Variants in LHFPL6 observed in about 807,000 individuals in gnomAD.
The protein encoded by LHFPL6 is LHFPL tetraspan subfamily member 6 protein.
LHFPL6 carries 9 observed loss-of-function variants against 20.6 expected under a neutral mutation model. That is an observed-to-expected ratio of 0.44 (90% CI 0.26 to 0.76). The LOEUF (loss-of-function observed/expected upper bound fraction) is 0.76, where lower values mean the gene tolerates loss of function less well. LHFPL6 is among the 30% of genes least tolerant of loss of function. LHFPL6 has a pLI of 0.20. For missense variants in LHFPL6, 218 were observed against 253.5 expected (o/e 0.86, Z 0.95); for synonymous variants, 105 against 98.7 (o/e 1.06, Z -0.38).
chr13:39,429,061 G>C (rs1336258376), intron 2 of LHFPL6, among the ~76,000 whole-genome samples: 1 of 152,006 alleles, frequency 6.6e-6, no homozygotes, highest in Non-Finnish European at 1.5e-5. Context: ...ACTGAGACTT[G>C]TTTTATCATA....
At chr13:39,499,511 C>T (rs1869219687) in intron 2 of LHFPL6, among the ~76,000 whole-genome samples, 1 of 152,220 alleles carries the variant, frequency 6.6e-6, no homozygotes, top group African/African-American at 2.4e-5. Flanking sequence ...TAAAACAGAA[C>T]CAGCCCATGC....
rs550328020 is a variant in LHFPL6, at chr13:39,438,563, G to A, written c.386-60037C>T. Among the ~76,000 whole-genome samples, 4 of 152,376 alleles carry A rather than the reference G, an allele frequency of 2.6e-5. No homozygotes were observed. In the East Asian group the frequency reaches 7.7e-4, roughly 29 times the overall value. On this transcript the variant is annotated intron_variant, in intron 2 of 3. Coordinates refer to ENST00000379589, the MANE Select transcript of LHFPL6 (RefSeq NM_005780.3). ...AAGACAATGAGATAAAGGCCTTGAA[G>A]GCATTTCAGAGACCTTCAAGGAAGC...
intron 2 of LHFPL6, among the ~76,000 whole-genome samples, chr13:39,423,011 A>G (rs990864933): frequency 1.3e-5 from 2 of 152,328 alleles, no homozygotes; most frequent in African/African-American, 4.8e-5. Context: ...TCACGAGAAC[A>G]GCATGAGGGT....
chr13:39,412,115 C>T (rs1871251469), intron 2 of LHFPL6, among the ~76,000 whole-genome samples: 1 of 152,188 alleles, frequency 6.6e-6, no homozygotes, highest in Non-Finnish European at 1.5e-5. Flanking sequence ...AAACTTTTAC[C>T]GTGTTTCAAC....
intron 2 of LHFPL6, among the ~76,000 whole-genome samples, chr13:39,519,243 T>TAA (rs386378887): frequency 1.9e-5 from 2 of 103,884 alleles, no homozygotes; most frequent in African/African-American, 7.3e-5. Context: ...TCTCAAAAAA[T>TAA]AAAAATAAAA....
intron 2 of LHFPL6, among the ~76,000 whole-genome samples, chr13:39,390,783 T>G (rs547214977): frequency 2.0e-5 from 3 of 152,046 alleles, no homozygotes; most frequent in Non-Finnish European, 4.4e-5. Flanking sequence ...TTGCTTGAGG[T>G]CAGGAGTTCG....
intron 2 of LHFPL6, among the ~76,000 whole-genome samples, chr13:39,493,305 C>CT (rs1868991187): frequency 1.2e-5 from 1 of 80,218 alleles, no homozygotes; most frequent in Non-Finnish European, 2.5e-5. Context: ...TCCATCTCTA[C>CT]TAAAAAAAAA....
intron 2 of LHFPL6, among the ~76,000 whole-genome samples, chr13:39,585,083 A>G (rs950685915): frequency 6.6e-6 from 1 of 152,082 alleles, no homozygotes; most frequent in Non-Finnish European, 1.5e-5. Context: ...ACCCCAATAC[A>G]CCCATATGGA....
At chr13:39,414,502 A>G (rs903714638) in intron 2 of LHFPL6, among the ~76,000 whole-genome samples, 3 of 152,176 alleles carry the variant, frequency 2.0e-5, no homozygotes, top group African/African-American at 7.2e-5. Context: ...GGGAGTCTTC[A>G]TGGTGGATTT....
At chr13:39,576,279 A>G (rs2138535206) in intron 2 of LHFPL6, among the ~76,000 whole-genome samples, 1 of 152,348 alleles carries the variant, frequency 6.6e-6, no homozygotes, top group Non-Finnish European at 1.5e-5. Context: ...TACTGGGGCC[A>G]TGAATGAGAA....
chr13:39,518,754 C>T (rs1870009518), intron 2 of LHFPL6, among the ~76,000 whole-genome samples: 1 of 152,182 alleles, frequency 6.6e-6, no homozygotes, highest in Non-Finnish European at 1.5e-5. Flanking sequence ...CAGGCCCCTA[C>T]TCCCATCCCC....
chr13:39,463,813 C>T lies in LHFPL6; in HGVS notation c.386-85287G>A, dbSNP rs899988548. ...CACACTCATGCTATAATTGGTTGCACGCAAGTTAACAAGCCCTGATTTGTA... is the reference window on the plus strand; with the variant it reads ...CACACTCATGCTATAATTGGTTGCATGCAAGTTAACAAGCCCTGATTTGTA... On this transcript the variant is annotated intron_variant, in intron 2 of 3. Transcript: ENST00000379589. Among the ~76,000 whole-genome samples the T allele has an allele frequency of 5.3e-5, 8 of 152,220 alleles. No homozygotes were observed. In the East Asian group the frequency reaches 5.8e-4, roughly 11 times the overall value.
intron 2 of LHFPL6, among the ~76,000 whole-genome samples, chr13:39,478,923 T>C (rs1868399053): frequency 6.6e-6 from 1 of 151,912 alleles, no homozygotes; most frequent in African/African-American, 2.4e-5. Flanking sequence ...CAACTCCTTA[T>C]AATGAATCTC....
chr13:39,485,229 A>G (rs1017776552), intron 2 of LHFPL6, among the ~76,000 whole-genome samples: 6 of 152,214 alleles, frequency 3.9e-5, no homozygotes, highest in African/African-American at 1.4e-4. Context: ...TTTGGGCTGT[A>G]TCTCATAGCC....
intron 3 of LHFPL6, among the ~76,000 whole-genome samples, chr13:39,349,172 C>CT (rs769287911): frequency 5.3e-5 from 8 of 152,052 alleles, no homozygotes; most frequent in Non-Finnish European, 7.4e-5. Context: ...GACATGAAGG[C>CT]TTTTTCATTT....
intron 2 of LHFPL6, among the ~76,000 whole-genome samples, chr13:39,413,078 C>A (rs1025489068): frequency 1.3e-5 from 2 of 152,148 alleles, no homozygotes; most frequent in East Asian, 3.8e-4. Context: ...AACTCTACCC[C>A]AAGGAGTTTA....
intron 2 of LHFPL6, among the ~76,000 whole-genome samples, chr13:39,431,520 C>T (rs758915945): frequency 1.7e-3 from 255 of 152,250 alleles, no homozygotes; most frequent in South Asian, 6.2e-4. Context: ...ATCCATTGTT[C>T]TTCTCAACCT....
rs966485293 is a variant in LHFPL6, at chr13:39,421,619, G to A, written c.386-43093C>T. ...TCAAATGGCAAGATCCCACATTAAC[G>A]GGTGGACAAGTTCAAGGTTCCAAGT... is the stretch of plus-strand genomic sequence containing the variant. On this transcript the variant is annotated intron_variant, in intron 2 of 3. Coordinates refer to ENST00000379589, the MANE Select transcript of LHFPL6 (RefSeq NM_005780.3). 9.9e-5 allele frequency among the ~76,000 whole-genome samples: 15 copies of A among 152,098 alleles called. No individual in the cohort carries two copies. The South Asian group carries it at 1.7e-3, about 17-fold the overall frequency.
chr13:39,466,401 C>G (rs1407063476), intron 2 of LHFPL6, among the ~76,000 whole-genome samples: 6 of 152,144 alleles, frequency 3.9e-5, no homozygotes, highest in Non-Finnish European at 5.9e-5. Flanking sequence ...CTGGGCAATG[C>G]AAAGACTGCT....
Sources: gnomAD v4.1 joint callset for allele counts (sites outside exome capture counted in the v4.1 genomes callset) on GRCh38, gnomAD v4.1.1 for gene constraint, MANE v1.5 for transcripts, NCBI Gene and HGNC (gene_info 2026-07-23, HGNC 2026-07-21) for gene names.